The following ANXA8 variants were observed in gnomAD, a reference collection of about 807,000 sequenced individuals.
ANXA8 encodes VAC-beta.
Under a neutral mutation model 26.8 loss-of-function variants are expected in ANXA8, and 9 were observed. That is an observed-to-expected ratio of 0.34 (90% CI 0.20 to 0.59). ANXA8 has a LOEUF of 0.59. Ranked by LOEUF, ANXA8 falls within the 20% of genes least tolerant of loss-of-function variation. The pLI is 0.84. For synonymous variants in ANXA8, 39 were observed against 94.8 expected (o/e 0.41, Z 3.42); for missense variants, 83 against 238.5 (o/e 0.35, Z 4.29).
At chr10:47,702,029 T>C in the ANXA8 span, among the ~76,000 whole-genome samples, 1 of 149,860 alleles carries the variant, frequency 6.7e-6, no homozygotes, top group East Asian at 2.0e-4. Context: ...AATAACCTTA[T>C]GTACATACTA....
the ANXA8 span, among the ~76,000 whole-genome samples, chr10:47,521,873 C>T: frequency 9.3e-3 from 1,322 of 141,716 alleles, no homozygotes; most frequent in East Asian, 0.059. Flanking sequence ...CTCCACCTCC[C>T]AGGTCCAAGC....
chr10:47,584,158 G>T, the ANXA8 span, among the ~76,000 whole-genome samples: 8 of 149,578 alleles, frequency 5.3e-5, no homozygotes, highest in Non-Finnish European at 1.0e-4. Flanking sequence ...CAGCCTGGGC[G>T]AGAGGAGACC....
At chr10:47,771,575 T>TGTTG in the ANXA8 span, among the ~76,000 whole-genome samples, 798 of 148,772 alleles carry the variant, frequency 5.4e-3, 4 homozygotes, top group African/African-American at 0.018. Flanking sequence ...GCAGGTTTTT[T>TGTTG]TTGTTGTTGT....
the ANXA8 span, among the ~76,000 whole-genome samples, chr10:47,648,139 G>A: frequency 2.0e-4 from 30 of 151,718 alleles, no homozygotes; most frequent in African/African-American, 6.6e-4. Context: ...TAGGGCAAGG[G>A]GATGTTCTTG....
the ANXA8 span, among the ~76,000 whole-genome samples, chr10:47,528,102 T>C: frequency 1.5e-5 from 2 of 136,318 alleles, 1 homozygote; most frequent in Non-Finnish European, 3.2e-5. Flanking sequence ...TTTTTTGAGA[T>C]GGAGTCTTGC....
the ANXA8 span, among the ~76,000 whole-genome samples, chr10:47,528,082 G>GT: frequency 0.039 from 4,951 of 127,650 alleles, 285 homozygotes; most frequent in African/African-American, 0.12. Context: ...TTAACAGAAT[G>GT]TTTTTTTTTT....
chr10:47,985,663 CAA>C, the ANXA8 span: 1 of 133,094 alleles, frequency 7.5e-6, no homozygotes, highest in African/African-American at 2.8e-5. Flanking sequence ...CTAGCACCCC[CAA>C]AAAGTTATTT....
the ANXA8 span, among the ~76,000 whole-genome samples, chr10:47,605,539 GA>G: frequency 1.9e-4 from 21 of 112,152 alleles, no homozygotes; most frequent in African/African-American, 8.3e-4. Context: ...TAATGACAGT[GA>G]AAAATTGCAC....
the ANXA8 span, among the ~76,000 whole-genome samples, chr10:47,737,314 T>C: frequency 1.3e-5 from 2 of 151,848 alleles, 1 homozygote; most frequent in Admixed American, 1.3e-4. Flanking sequence ...GATTGTTATA[T>C]TTGTATTTAA....
At chr10:47,750,272 A>T in the ANXA8 span, among the ~76,000 whole-genome samples, 1 of 148,496 alleles carries the variant, frequency 6.7e-6, no homozygotes, top group East Asian at 2.0e-4. Context: ...TTATGATAAG[A>T]ATATTATAGG....
the ANXA8 span, among the ~76,000 whole-genome samples, chr10:47,750,000 C>G: frequency 5.3e-5 from 8 of 152,124 alleles, no homozygotes; most frequent in Admixed American, 3.3e-4. Flanking sequence ...CAGAAAACAT[C>G]AATTTTAAAT....
At chr10:47,610,787 T>A in the ANXA8 span, among the ~76,000 whole-genome samples, 1 of 140,770 alleles carries the variant, frequency 7.1e-6, no homozygotes, top group Non-Finnish European at 1.6e-5. Flanking sequence ...TTTGCCAAGG[T>A]CCTTTTCTTA....
chr10:47,704,911 T>C, the ANXA8 span, among the ~76,000 whole-genome samples: 7 of 152,022 alleles, frequency 4.6e-5, no homozygotes, highest in South Asian at 2.1e-4. Flanking sequence ...AGATTTAACA[T>C]TGTGAAGATT....
the ANXA8 span, chr10:47,490,527 T>C: frequency 1.3e-5 from 2 of 152,720 alleles, no homozygotes; most frequent in African/African-American, 4.9e-5. Context: ...GATGTGGAGG[T>C]TGAAAGGAAA....
the ANXA8 span, among the ~76,000 whole-genome samples, chr10:47,904,560 G>GT: frequency 0.046 from 3,089 of 67,136 alleles, 226 homozygotes; most frequent in Non-Finnish European, 0.065. Context: ...TCCACTAGTT[G>GT]TAAGATTTTT....
chr10:47,566,351 C>A, the ANXA8 span, among the ~76,000 whole-genome samples: 1 of 149,666 alleles, frequency 6.7e-6, no homozygotes, highest in Non-Finnish European at 1.5e-5. Context: ...CAGAGGCTGC[C>A]GAGCTTTCGT....
the ANXA8 span, among the ~76,000 whole-genome samples, chr10:47,973,839 T>C: frequency 2.0e-5 from 3 of 151,104 alleles, no homozygotes; most frequent in Admixed American, 6.6e-5. Flanking sequence ...ATCAGTAGGA[T>C]TGGTACCAGT....
chr10:47,486,212 C>T (rs1282333926), upstream of ANXA8, among the ~76,000 whole-genome samples: 3 of 151,514 alleles, frequency 2.0e-5, no homozygotes, highest in Non-Finnish European at 2.9e-5. Flanking sequence ...TATCTGATCT[C>T]TGCGAGAACA....
the ANXA8 span, among the ~76,000 whole-genome samples, chr10:47,972,971 T>C: frequency 6.7e-6 from 1 of 150,118 alleles, no homozygotes; most frequent in African/African-American, 2.4e-5. Flanking sequence ...TGCTCCTTCC[T>C]GCTTTCTCAT....
Sources: gnomAD v4.1 joint callset for allele counts (sites outside exome capture counted in the v4.1 genomes callset) on GRCh38, gnomAD v4.1.1 for gene constraint, MANE v1.5 for transcripts, NCBI Gene and HGNC (gene_info 2026-07-23, HGNC 2026-07-21) for gene names.